The following ZFHX3 variants were observed in gnomAD, a reference collection of about 807,000 sequenced individuals.
ZFHX3 encodes zinc finger homeobox 3.
A neutral mutation model predicts 279.1 loss-of-function variants in ZFHX3; 42 were observed. That is an observed-to-expected ratio of 0.15 (90% CI 0.12 to 0.19). ZFHX3 has a LOEUF of 0.19. Among genes scored for constraint, ZFHX3 ranks in the 10% least tolerant of loss-of-function variants. ZFHX3 has a pLI of 1.00. For synonymous variants in ZFHX3, 2,293 were observed against 1,957.8 expected, an observed-to-expected ratio of 1.17 and a Z score of -4.52; for missense variants, 4,981 against 4,754.0, an observed-to-expected ratio of 1.05 and a Z score of -1.40.
chr16:73,405,840 G>T (rs191028928), intron 3 of ZFHX3, among the ~76,000 whole-genome samples: 1 of 152,210 alleles, frequency 6.6e-6, no homozygotes, highest in African/African-American at 2.4e-5. Context: ...TGTCAGAGCC[G>T]GAGTAAGATT....
intron 4 of ZFHX3, among the ~76,000 whole-genome samples, chr16:72,871,171 TTTTA>T (rs559457462): frequency 5.3e-5 from 8 of 152,116 alleles, no homozygotes; most frequent in South Asian, 4.1e-4. Flanking sequence ...TATATCAACA[TTTTA>T]TTTATTTATT....
At chr16:73,181,461 C>A (rs1243063293) in intron 5 of ZFHX3, among the ~76,000 whole-genome samples, 5 of 152,242 alleles carry the variant, frequency 3.3e-5, no homozygotes, top group African/African-American at 9.6e-5. Flanking sequence ...GGACCATCAC[C>A]CCAAACCACT....
At chr16:73,054,776 G>A (rs1200314608) in intron 1 of ZFHX3, among the ~76,000 whole-genome samples, 2 of 152,034 alleles carry the variant, frequency 1.3e-5, no homozygotes, top group African/African-American at 2.4e-5. Context: ...ATATATAGCC[G>A]CCGTTGCTCC....
rs750849979 is a variant in ZFHX3 at position 72,793,460 on chromosome 16, C to T, written c.9222G>A (p.Gln3074=). 11 of 1,614,108 alleles carry T rather than the reference C, an allele frequency of 6.8e-6. No homozygotes were observed. In the South Asian group the frequency reaches 9.9e-5, roughly 14 times the overall value. ...GGTCCAACTCTTGTTGAGCCATCAA[C>T]TGACGTACGGTGGCTGGGTCAAAGT... ...KEYFDPATVR[Q]LMAQQELDRI... Residue 3074 remains glutamine, a synonymous_variant, in exon 9 of 10, where the codon CAG becomes CAA. Transcript: ENST00000268489. The surrounding 1 kb of genome is among the most constrained non-coding windows in gnomAD (Gnocchi z 4.3).
At chr16:73,762,897 G>T (rs532633411) in intron 1 of ZFHX3, among the ~76,000 whole-genome samples, 2 of 152,114 alleles carry the variant, frequency 1.3e-5, no homozygotes, top group East Asian at 3.9e-4. Flanking sequence ...CTAGGTGATG[G>T]GTTGATAGGT....
chr16:73,564,917 G>T (rs866613732), intron 2 of ZFHX3, among the ~76,000 whole-genome samples: 1 of 152,316 alleles, frequency 6.6e-6, no homozygotes, highest in Middle Eastern at 3.4e-3. Flanking sequence ...GAATAGATGG[G>T]TTTGGGGATG....
intron 8 of ZFHX3, among the ~76,000 whole-genome samples, chr16:73,082,952 G>A (rs549946179): frequency 6.6e-6 from 1 of 151,864 alleles, no homozygotes; most frequent in African/African-American, 2.4e-5. Context: ...GGGAGGCCGA[G>A]GTGGACGGAT....
intron 4 of ZFHX3, among the ~76,000 whole-genome samples, chr16:72,856,286 C>T (rs992562784): frequency 1.3e-5 from 2 of 152,220 alleles, no homozygotes; most frequent in Admixed American, 1.3e-4. Context: ...TGAGCACGCA[C>T]GTGGTCAGAC....
chr16:73,486,176 C>T (rs191083477), intron 2 of ZFHX3, among the ~76,000 whole-genome samples: 128 of 152,278 alleles, frequency 8.4e-4, no homozygotes, highest in Admixed American at 3.1e-3. Flanking sequence ...CAAATGGATT[C>T]GATTCAGCTA....
chr16:73,151,199 C>T (rs531598960), intron 5 of ZFHX3, among the ~76,000 whole-genome samples: 2 of 152,202 alleles, frequency 1.3e-5, no homozygotes, highest in Admixed American at 1.3e-4. Context: ...TTTTGCATAT[C>T]TGTATTGTAT....
rs1409489964 is a variant in ZFHX3, at chr16:73,715,172, A to C, written c.-1607-34932T>G. 2.0e-5 allele frequency among the ~76,000 whole-genome samples: 3 copies of C among 152,146 alleles called. No homozygotes were observed. The East Asian group carries it at 5.8e-4, about 29-fold the overall frequency. On this transcript the variant is annotated intron_variant, in intron 1 of 17. Coordinates refer to the ZFHX3 transcript ENST00000641206. ...AAATTCTGACTGCCGGCATCCCTGC[A>C]GTTTCATTTCCCATCACGTGCCTGC...
chr16:73,367,921 T>A (rs1022118843), intron 3 of ZFHX3, among the ~76,000 whole-genome samples: 1 of 147,052 alleles, frequency 6.8e-6, no homozygotes, highest in Non-Finnish European at 1.5e-5. Flanking sequence ...CAGGCTGGAG[T>A]GCAGTGGCAT....
chr16:73,613,722 T>C (rs1358158263), intron 2 of ZFHX3, among the ~76,000 whole-genome samples: 2 of 152,178 alleles, frequency 1.3e-5, no homozygotes, highest in Non-Finnish European at 2.9e-5. Flanking sequence ...TCTATGGAGA[T>C]TGTGTGCCCC....
chr16:73,193,603 T>C (rs1968087192), intron 5 of ZFHX3, among the ~76,000 whole-genome samples: 1 of 152,200 alleles, frequency 6.6e-6, no homozygotes, highest in Non-Finnish European at 1.5e-5. Context: ...TCACAGTTCC[T>C]TAGACCCTCA....
chr16:73,200,540 A>G (rs1445813464), intron 5 of ZFHX3, among the ~76,000 whole-genome samples: 3 of 152,322 alleles, frequency 2.0e-5, no homozygotes, highest in Middle Eastern at 6.8e-3. Flanking sequence ...GAAGAAGTGT[A>G]TTTTAGATTG....
At chr16:73,137,174 A>G (rs1477819152) in intron 6 of ZFHX3, 1 of 152,160 alleles carries the variant, frequency 6.6e-6, no homozygotes, top group Non-Finnish European at 1.5e-5. Context: ...GTAGATACCT[A>G]CACTGCAGAG....
At chr16:73,494,738 T>A (rs553247675) in intron 2 of ZFHX3, among the ~76,000 whole-genome samples, 23 of 152,186 alleles carry the variant, frequency 1.5e-4, no homozygotes, top group Non-Finnish European at 2.6e-4. Context: ...TTTTTTTTTT[T>A]TTTATTTTTA....
chr16:73,467,686 T>G (rs1411112676), intron 2 of ZFHX3, among the ~76,000 whole-genome samples: 1 of 152,214 alleles, frequency 6.6e-6, no homozygotes, highest in Admixed American at 6.5e-5. Context: ...CTTCTCTATA[T>G]GTATGAAAAT....
At chr16:72,882,301 G>C (rs2144031768) in intron 4 of ZFHX3, among the ~76,000 whole-genome samples, 1 of 151,444 alleles carries the variant, frequency 6.6e-6, no homozygotes, top group South Asian at 2.1e-4. Flanking sequence ...TAGCATGGAA[G>C]ACAGCCTGGA....
Sources: allele counts gnomAD v4.1 joint callset (sites outside exome capture counted in the v4.1 genomes callset), GRCh38; gene constraint gnomAD v4.1.1; non-coding constraint Gnocchi (gnomAD v3.1); transcripts MANE v1.5; gene names NCBI Gene and HGNC (gene_info 2026-07-23, HGNC 2026-07-21).